The following CRACDL variants were observed in gnomAD, a reference collection of about 807,000 sequenced individuals.
CRACDL encodes CRACD like, also known as CRACD-like protein.
A neutral mutation model predicts 70.6 loss-of-function variants in CRACDL; 26 were observed. The ratio of observed to expected loss-of-function variants is 0.37; its 90% CI spans 0.27 to 0.51. CRACDL has a LOEUF of 0.51. Among genes scored for constraint, CRACDL ranks in the 20% least tolerant of loss-of-function variants. CRACDL has a pLI of 0.94. For missense variants in CRACDL, 1,283 were observed against 1,376.9 expected, an observed-to-expected ratio of 0.93 and a Z score of 1.08; for synonymous variants, 618 against 615.2, an observed-to-expected ratio of 1.00 and a Z score of -0.07.
intron 1 of CRACDL, among the ~76,000 whole-genome samples, chr2:98,934,196 T>C (rs1475491842): frequency 1.4e-3 from 5 of 3,538 alleles, no homozygotes; most frequent in Admixed American, 3.1e-3. Flanking sequence ...AGATTCATCC[T>C]TTTTTTTTTT....
At chr2:98,833,030 C>A (rs1246749727) in intron 3 of CRACDL, 33 bp from the exon 4 acceptor site, 1 of 1,583,948 alleles carries the variant, frequency 6.3e-7, no homozygotes, top group Non-Finnish European at 8.6e-7. Flanking sequence ...AGACTCTGCC[C>A]ACCTCCATCT....
At chr2:98,902,181 C>T (rs1390883368) in intron 1 of CRACDL, among the ~76,000 whole-genome samples, 1 of 152,214 alleles carries the variant, frequency 6.6e-6, no homozygotes, top group African/African-American at 2.4e-5. Context: ...GCCCATACGG[C>T]ACAAGGGAAG....
At chr2:98,800,431 G>T (rs1027819269) in intron 7 of CRACDL, among the ~76,000 whole-genome samples, 8 of 152,118 alleles carry the variant, frequency 5.3e-5, no homozygotes, top group African/African-American at 1.9e-4. Context: ...CACTGTGGGG[G>T]TTTTAAACCA....
intron 1 of CRACDL, among the ~76,000 whole-genome samples, chr2:98,899,411 A>G (rs1244311557): frequency 1.3e-5 from 2 of 152,248 alleles, no homozygotes; most frequent in African/African-American, 4.8e-5. Context: ...TCTCCACCAG[A>G]AAGAGAAGAA....
intron 1 of CRACDL, among the ~76,000 whole-genome samples, chr2:98,916,483 T>C (rs1708669163): frequency 6.7e-6 from 1 of 148,286 alleles, no homozygotes; most frequent in Admixed American, 6.9e-5. Flanking sequence ...AGATTATATG[T>C]CAATGATACC....
chr2:98,794,557 C>T lies in CRACDL; in HGVS notation c.2864G>A (p.Ser955Asn), dbSNP rs758814370. The T allele has an allele frequency of 8.7e-6, 14 of 1,613,962 alleles. No homozygotes were observed. The Admixed American group carries it at 2.3e-4, about 27-fold the overall frequency. Residue 955 changes from serine to asparagine, a missense_variant, in exon 10 of 10, where the codon AGT (serine) becomes AAT (asparagine). Ser to Asn is a conservative substitution (Grantham distance 46). Around this residue, in one of 2 missense-constraint regions of CRACDL, gnomAD observed 921 missense variants for 881.9 expected, o/e 1.04. Transcript: ENST00000397899. Reference sequence around the variant, plus strand: ...CTATTTTATAATCTGGGGCATGTCACTCCAAGCTTGAGATTTCTTTCTGGC... The same window carrying T: ...CTATTTTATAATCTGGGGCATGTCATTCCAAGCTTGAGATTTCTTTCTGGC... ...ELARKKSQAW[S>N]DMPQIIK is the part of the protein sequence containing the mutation.
intron 1 of CRACDL, among the ~76,000 whole-genome samples, chr2:98,848,102 T>C (rs1706335921): frequency 1.3e-5 from 2 of 152,346 alleles, no homozygotes; most frequent in South Asian, 2.1e-4. Flanking sequence ...GCTATCATTA[T>C]CTATAAAATG....
chr2:98,932,473 C>A (rs899014421), intron 1 of CRACDL, among the ~76,000 whole-genome samples: 2 of 152,300 alleles, frequency 1.3e-5, no homozygotes, highest in Middle Eastern at 3.4e-3. Context: ...ATGACTCGGA[C>A]CTTTCCGGCT....
intron 1 of CRACDL, among the ~76,000 whole-genome samples, chr2:98,885,720 C>G (rs1392488516): frequency 6.6e-6 from 1 of 152,194 alleles, no homozygotes; most frequent in Non-Finnish European, 1.5e-5. Flanking sequence ...TTGACAGGTT[C>G]TGCAACTTGC....
chr2:98,918,424 T>C (rs1466962256), intron 1 of CRACDL, among the ~76,000 whole-genome samples: 1 of 151,526 alleles, frequency 6.6e-6, no homozygotes, highest in African/African-American at 2.4e-5. Flanking sequence ...TCCCGGCTTC[T>C]TGGGAGGCTG....
intron 7 of CRACDL, among the ~76,000 whole-genome samples, chr2:98,816,769 G>A (rs1288047974): frequency 6.6e-6 from 1 of 152,206 alleles, no homozygotes; most frequent in Non-Finnish European, 1.5e-5. Flanking sequence ...TTGCTCAGAA[G>A]GGACTGTGAA....
chr2:98,847,448 T>A (rs966784206), intron 1 of CRACDL, among the ~76,000 whole-genome samples: 1 of 152,156 alleles, frequency 6.6e-6, no homozygotes, highest in Non-Finnish European at 1.5e-5. Context: ...ATGAACAACA[T>A]ATAATGAACT....
chr2:98,840,063 C>T lies in CRACDL; in HGVS notation c.71-1776G>A, dbSNP rs544423157. 3.3e-5 allele frequency among the ~76,000 whole-genome samples: 5 copies of T among 152,110 alleles called. No individual in the cohort carries two copies. In the East Asian group the frequency reaches 5.8e-4, roughly 18 times the overall value. ...TCCTACTTTCTGCAGGTTTACTTTG[C>T]TATTTTCTTAAACTTCTTGAGATAA... On this transcript the variant is annotated intron_variant, in intron 2 of 9. Transcript: ENST00000397899.
intron 1 of CRACDL, among the ~76,000 whole-genome samples, chr2:98,933,214 T>C (rs574603426): frequency 2.0e-5 from 3 of 152,182 alleles, no homozygotes; most frequent in African/African-American, 4.8e-5. Context: ...GGAGGCTCCA[T>C]GTGGAGGGGA....
intron 1 of CRACDL, among the ~76,000 whole-genome samples, chr2:98,896,098 G>A (rs1708116581): frequency 6.6e-6 from 1 of 152,228 alleles, no homozygotes; most frequent in Admixed American, 6.5e-5. Context: ...GGAGTGGGGG[G>A]CTGTGGCAGG....
intron 1 of CRACDL, among the ~76,000 whole-genome samples, chr2:98,935,699 A>C (rs764957010): frequency 1.3e-5 from 2 of 152,184 alleles, no homozygotes; most frequent in Non-Finnish European, 2.9e-5. Context: ...CAAAGTGAGC[A>C]AAGGGAAACT....
chr2:98,903,258 T>A (rs1269249958), intron 1 of CRACDL, among the ~76,000 whole-genome samples: 1 of 152,120 alleles, frequency 6.6e-6, no homozygotes, highest in East Asian at 1.9e-4. Context: ...GGGCCTCAGC[T>A]TCCCTCACTG....
intron 7 of CRACDL, among the ~76,000 whole-genome samples, chr2:98,802,570 AG>A (rs1704123223): frequency 6.6e-6 from 1 of 152,074 alleles, no homozygotes. Flanking sequence ...TACGTGGGAC[AG>A]ATTCGTCTCA....
intron 7 of CRACDL, among the ~76,000 whole-genome samples, chr2:98,798,443 CAAAAAAA>C (rs70940125): frequency 9.0e-5 from 4 of 44,330 alleles, no homozygotes; most frequent in South Asian, 1.4e-3. Context: ...GACTCCGTCT[CAAAAAAA>C]AAAAAAAAAA....
Sources: gnomAD v4.1 joint callset for allele counts (sites outside exome capture counted in the v4.1 genomes callset) on GRCh38, gnomAD v4.1.1 for gene constraint, gnomAD v4.1.1 regional missense constraint, MANE v1.5 for transcripts, NCBI Gene and HGNC (gene_info 2026-07-23, HGNC 2026-07-21) for gene names.